The following CTNNA2 variants were observed in gnomAD, a reference collection of about 807,000 sequenced individuals.
CTNNA2 encodes the protein catenin alpha-2.
A neutral mutation model predicts 101.0 loss-of-function variants in CTNNA2; 42 were observed. That is an observed-to-expected ratio of 0.42 (90% CI 0.32 to 0.54). The LOEUF (loss-of-function observed/expected upper bound fraction) is 0.54, where lower values mean the gene tolerates loss of function less well. CTNNA2 is among the 20% of genes least tolerant of loss of function. The probability of loss-of-function intolerance (pLI) is 0.14; values close to 1 mark genes in which losing one functional copy is unlikely to be tolerated. For synonymous variants in CTNNA2, 450 were observed against 456.4 expected (o/e 0.99, Z 0.18); for missense variants, 871 against 1,223.1 (o/e 0.71, Z 4.29).
chr2:79,916,029 T>C (rs1054427424), intron 7 of CTNNA2, among the ~76,000 whole-genome samples: 1 of 152,232 alleles, frequency 6.6e-6, no homozygotes, highest in Non-Finnish European at 1.5e-5. Flanking sequence ...AGAATAAGGC[T>C]CATCGTTGAT....
At chr2:79,563,324 C>T (rs1674910554) in intron 1 of CTNNA2, among the ~76,000 whole-genome samples, 1 of 151,800 alleles carries the variant, frequency 6.6e-6, no homozygotes, top group Non-Finnish European at 1.5e-5. Flanking sequence ...AGACATCCAC[C>T]AAGCTCTAGG....
chr2:79,363,565 A>C (rs2104448928), intron 3 of CTNNA2, among the ~76,000 whole-genome samples: 1 of 148,454 alleles, frequency 6.7e-6, no homozygotes, highest in Admixed American at 6.7e-5. Context: ...TCCCCCAGCA[A>C]AAAAAAAAAA....
At chr2:80,581,089 A>G (rs1284394844) in intron 13 of CTNNA2, among the ~76,000 whole-genome samples, 1 of 152,220 alleles carries the variant, frequency 6.6e-6, no homozygotes, top group African/African-American at 2.4e-5. Flanking sequence ...TACTATACAG[A>G]TAATACATTG....
intron 1 of CTNNA2, among the ~76,000 whole-genome samples, chr2:79,185,719 G>T (rs1673768833): frequency 2.0e-5 from 3 of 152,148 alleles, no homozygotes; most frequent in East Asian, 3.9e-4. Context: ...TGACACAGAA[G>T]AGTATTTAAT....
intron 7 of CTNNA2, among the ~76,000 whole-genome samples, chr2:80,291,893 T>G (rs548783371): frequency 6.6e-6 from 1 of 152,296 alleles, no homozygotes; most frequent in South Asian, 2.1e-4. Context: ...GGCAAGCCAC[T>G]AAAGAACCAG....
chr2:80,112,768 G>A (rs1456869666), intron 7 of CTNNA2, among the ~76,000 whole-genome samples: 2 of 152,114 alleles, frequency 1.3e-5, no homozygotes, highest in East Asian at 1.9e-4. Flanking sequence ...TTGTCAGATG[G>A]TGTGTGCCAA....
intron 18 of CTNNA2, among the ~76,000 whole-genome samples, chr2:80,642,253 G>A (rs751534223): frequency 1.3e-5 from 2 of 152,034 alleles, no homozygotes; most frequent in Non-Finnish European, 2.9e-5. Context: ...TAGATATCAT[G>A]CCCACAATGA....
chr2:79,356,130 C>T (rs1677503721), intron 3 of CTNNA2, among the ~76,000 whole-genome samples: 1 of 150,954 alleles, frequency 6.6e-6, no homozygotes, highest in South Asian at 2.1e-4. Context: ...TATATACTTC[C>T]TTTTTATATA....
intron 2 of CTNNA2, among the ~76,000 whole-genome samples, chr2:79,286,238 C>A (rs148514272): frequency 1.3e-5 from 2 of 152,092 alleles, no homozygotes; most frequent in Admixed American, 1.3e-4. Flanking sequence ...TTAATTGGAG[C>A]ATTTAGTCCA....
At chr2:80,584,182 CAG>C (rs1050350235) in intron 14 of CTNNA2, among the ~76,000 whole-genome samples, 1 of 152,104 alleles carries the variant, frequency 6.6e-6, no homozygotes, top group African/African-American at 2.4e-5. Context: ...TTGTCTTTGA[CAG>C]AGGCATTTGC....
chr2:79,622,473 T>C (rs1679056847), intron 1 of CTNNA2, among the ~76,000 whole-genome samples: 1 of 152,242 alleles, frequency 6.6e-6, no homozygotes, highest in Non-Finnish European at 1.5e-5. Context: ...GATGAAAATA[T>C]GGTTGTTTGA....
chr2:79,383,796 T>G (rs1358471570), intron 4 of CTNNA2, among the ~76,000 whole-genome samples: 2 of 152,204 alleles, frequency 1.3e-5, no homozygotes, highest in Admixed American at 1.3e-4. Context: ...AATCAAATAC[T>G]GCCAGTCCTT....
At chr2:80,065,033 A>G (rs1397111952) in intron 7 of CTNNA2, among the ~76,000 whole-genome samples, 1 of 152,222 alleles carries the variant, frequency 6.6e-6, no homozygotes, top group Non-Finnish European at 1.5e-5. Context: ...TTATCCTCCA[A>G]GTAAAAACCC....
intron 9 of CTNNA2, among the ~76,000 whole-genome samples, chr2:80,527,071 ATG>A (rs1400932828): frequency 6.6e-6 from 1 of 152,224 alleles, no homozygotes; most frequent in African/African-American, 2.4e-5. Context: ...GCTCAGGAGA[ATG>A]TGCTTTTTGT....
chr2:79,863,575 A>C (rs1681802106), intron 4 of CTNNA2, among the ~76,000 whole-genome samples: 1 of 152,246 alleles, frequency 6.6e-6, no homozygotes, highest in African/African-American at 2.4e-5. Context: ...CCACTCAGTC[A>C]TTTAAACAGG....
At chr2:79,920,127 G>T (rs1436827120) in intron 7 of CTNNA2, among the ~76,000 whole-genome samples, 3 of 152,154 alleles carry the variant, frequency 2.0e-5, no homozygotes, top group Non-Finnish European at 4.4e-5. Flanking sequence ...TGAGGCAGGA[G>T]AATTGCTTGA....
At chr2:80,528,850 C>G (rs1349679469) in intron 9 of CTNNA2, among the ~76,000 whole-genome samples, 1 of 152,148 alleles carries the variant, frequency 6.6e-6, no homozygotes, top group Non-Finnish European at 1.5e-5. Context: ...TTGGAACATT[C>G]TCAAACTTTG....
chr2:79,968,971 G>A (rs752207444), intron 7 of CTNNA2, among the ~76,000 whole-genome samples: 2 of 151,982 alleles, frequency 1.3e-5, no homozygotes, highest in Non-Finnish European at 1.5e-5. Flanking sequence ...CGTCTTAATA[G>A]CCCTATGAGA....
At chr2:80,103,422 GC>G in intron 7 of CTNNA2, among the ~76,000 whole-genome samples, 1 of 152,222 alleles carries the variant, frequency 6.6e-6, no homozygotes, top group South Asian at 2.1e-4. Context: ...ACCTCATTTT[GC>G]CCGTATTACC....
Sources: gnomAD v4.1 joint callset for allele counts (sites outside exome capture counted in the v4.1 genomes callset) on GRCh38, gnomAD v4.1.1 for gene constraint, MANE v1.5 for transcripts, NCBI Gene and HGNC (gene_info 2026-07-23, HGNC 2026-07-21) for gene names.